TATDN1: variants seen among roughly 807,000 people sequenced by gnomAD.
TATDN1 encodes deoxyribonuclease TATDN1.
Under a neutral mutation model 46.4 loss-of-function variants are expected in TATDN1, and 40 were observed. That is an observed-to-expected ratio of 0.86 (90% confidence interval 0.67 to 1.12). The LOEUF (loss-of-function observed/expected upper bound fraction) is 1.12. Among genes scored for constraint, TATDN1 ranks in the 50% most tolerant of loss-of-function variants. The probability of loss-of-function intolerance (pLI) is 0.00; values close to 1 mark genes in which losing one functional copy is unlikely to be tolerated. For missense variants in TATDN1, 326 were observed against 348.4 expected (o/e 0.94, Z 0.51); for synonymous variants, 95 against 105.6 (o/e 0.90, Z 0.62).
At chr8:124,519,785 C>A (rs1490394403) in intron 3 of TATDN1, among the ~76,000 whole-genome samples, 1 of 152,132 alleles carries the variant, frequency 6.6e-6, no homozygotes, top group African/African-American at 2.4e-5. Context: ...TCTGCATAGA[C>A]CCATTAGAGT....
chr8:124,529,732 A>G (rs1381875578), intron 1 of TATDN1, among the ~76,000 whole-genome samples: 1 of 152,226 alleles, frequency 6.6e-6, no homozygotes, highest in Non-Finnish European at 1.5e-5. Flanking sequence ...CTGTAGGGAT[A>G]TATTTTTAAC....
chr8:124,508,609 A>T lies in TATDN1; in HGVS notation c.469T>A (p.Phe157Ile). The change falls in exon 7 of 12, where the codon TTT becomes ATT. Residue 157 changes from phenylalanine to isoleucine, a missense_variant. Transcript: ENST00000276692. ...FLHCRNSHAE[F>I]LDIMKRNRDR... ...GACTTTGGTTTTAACTCACCCAAAA[A>T]TTCAGCATGTGAGTTTCGACAATGA... 6 of 1,606,912 alleles carry T rather than the reference A, an allele frequency of 3.7e-6. No individual in the cohort carries two copies. The highest frequency in any genetic ancestry group is 5.1e-6 in the Non-Finnish European group (6 of 1,176,726).
intron 3 of TATDN1, 148 bp downstream of exon 3, chr8:124,522,003 G>A: frequency 1.8e-6 from 1 of 558,516 alleles, no homozygotes; most frequent in Non-Finnish European, 3.1e-6. Context: ...TTGATATTTT[G>A]TTTCAATTAA....
intron 9 of TATDN1, among the ~76,000 whole-genome samples, chr8:124,501,700 T>C (rs1817979108): frequency 6.6e-6 from 1 of 151,478 alleles, no homozygotes; most frequent in African/African-American, 2.4e-5. Context: ...ACAATGGAAA[T>C]AGAATAAAAA....
chr8:124,509,949 T>G (rs970454641), intron 6 of TATDN1, among the ~76,000 whole-genome samples: 1 of 151,000 alleles, frequency 6.6e-6, no homozygotes, highest in African/African-American at 2.4e-5. Flanking sequence ...TGAGAATCTC[T>G]TGAACCCAGG....
chr8:124,519,810 G>C (rs1355258236), intron 3 of TATDN1, among the ~76,000 whole-genome samples: 1 of 152,204 alleles, frequency 6.6e-6, no homozygotes, highest in Non-Finnish European at 1.5e-5. Context: ...TCAGTAATTA[G>C]AATGCCATCT....
chr8:124,491,823 G>A (rs1395742986), intron 11 of TATDN1, among the ~76,000 whole-genome samples: 2 of 152,208 alleles, frequency 1.3e-5, no homozygotes, highest in African/African-American at 4.8e-5. Flanking sequence ...GACTTTGCAA[G>A]TAGCAATTAA....
At chr8:124,490,172 G>A (rs1291441571) in intron 11 of TATDN1, 1 of 152,180 alleles carries the variant, frequency 6.6e-6, no homozygotes, top group African/African-American at 2.4e-5. Context: ...CAGCAGCTTT[G>A]CTAAGATTAT....
At chr8:124,492,124 G>A (rs558899036) in intron 11 of TATDN1, among the ~76,000 whole-genome samples, 142 of 152,162 alleles carry the variant, frequency 9.3e-4, no homozygotes, top group African/African-American at 3.2e-3. Context: ...ACGGGCATCC[G>A]CCATGACGCC....
chr8:124,513,593 C>T (rs945378187), intron 6 of TATDN1, among the ~76,000 whole-genome samples: 1 of 152,164 alleles, frequency 6.6e-6, no homozygotes, highest in African/African-American at 2.4e-5. Context: ...TAAGATCAGA[C>T]GCTATTCTGA....
At chr8:124,519,103 A>G (rs1311555215) in intron 3 of TATDN1, among the ~76,000 whole-genome samples, 1 of 152,184 alleles carries the variant, frequency 6.6e-6, no homozygotes, top group Non-Finnish European at 1.5e-5. Flanking sequence ...AGAGGTGCAG[A>G]ATTCATCACT....
At chr8:124,516,816 G>A (rs749887980) in intron 4 of TATDN1, among the ~76,000 whole-genome samples, 7 of 152,128 alleles carry the variant, frequency 4.6e-5, no homozygotes, top group Non-Finnish European at 7.3e-5. Context: ...TCACTTATTC[G>A]GAGGAGACTC....
chr8:124,507,599 T>C (rs1395039127), intron 8 of TATDN1, among the ~76,000 whole-genome samples: 1 of 151,934 alleles, frequency 6.6e-6, no homozygotes, highest in African/African-American at 2.4e-5. Context: ...CTAGGCAACA[T>C]AGTAAAACTT....
At chr8:124,493,205 T>C (rs1817176360) in intron 11 of TATDN1, among the ~76,000 whole-genome samples, 1 of 152,260 alleles carries the variant, frequency 6.6e-6, no homozygotes, top group Non-Finnish European at 1.5e-5. Flanking sequence ...GAATGTGTTA[T>C]AAGTATGCCC....
intron 6 of TATDN1, among the ~76,000 whole-genome samples, chr8:124,513,064 G>A (rs62527908): frequency 0.15 from 23,353 of 151,884 alleles, 2,268 homozygotes; most frequent in Admixed American, 0.24. Flanking sequence ...ACAGGTGCTC[G>A]CCACCACGCC....
intron 1 of TATDN1, among the ~76,000 whole-genome samples, chr8:124,524,926 A>G (rs993916120): frequency 1.3e-5 from 2 of 152,042 alleles, no homozygotes; most frequent in Non-Finnish European, 2.9e-5. Context: ...GAAATGAGGG[A>G]TGAGAAAGGT....
At chr8:124,507,628 A>G (rs571739794) in intron 8 of TATDN1, among the ~76,000 whole-genome samples, 1 of 151,970 alleles carries the variant, frequency 6.6e-6, no homozygotes, top group South Asian at 2.1e-4. Flanking sequence ...CAAAATATAC[A>G]AAAAAATTAG....
chr8:124,517,978 G>A (rs1819636529), intron 4 of TATDN1, among the ~76,000 whole-genome samples: 2 of 152,028 alleles, frequency 1.3e-5, no homozygotes, highest in South Asian at 2.1e-4. Flanking sequence ...TTGGGAGGCC[G>A]AGGCAGGCGG....
intron 9 of TATDN1, among the ~76,000 whole-genome samples, chr8:124,501,738 C>A (rs1290664319): frequency 6.6e-6 from 1 of 151,248 alleles, no homozygotes; most frequent in East Asian, 1.9e-4. Flanking sequence ...CTAGTATGCC[C>A]AAGAAAAGAA....
Sources: gnomAD v4.1 joint callset for allele counts (sites outside exome capture counted in the v4.1 genomes callset) on GRCh38, gnomAD v4.1.1 for gene constraint, MANE v1.5 for transcripts, NCBI Gene and HGNC (gene_info 2026-07-23, HGNC 2026-07-21) for gene names.